The following WBP2 variants were observed in gnomAD, a reference collection of about 807,000 sequenced individuals.
The protein encoded by WBP2 is WW domain binding protein 2, also known as WW domain-binding protein 2.
A neutral mutation model predicts 33.0 loss-of-function variants in WBP2; 23 were observed. That is an observed-to-expected ratio of 0.70 (90% CI 0.50 to 0.99). WBP2 has a LOEUF of 0.99. WBP2 is among the 50% of genes least tolerant of loss of function. WBP2 has a pLI of 0.00. For missense variants in WBP2, 353 were observed against 358.0 expected (o/e 0.99, Z 0.11); for synonymous variants, 153 against 133.5 (o/e 1.15, Z -1.01).
chr17:75,846,951 G>A lies in WBP2; in HGVS notation c.689C>T (p.Ala230Val). The A allele has an allele frequency of 6.2e-7, 1 of 1,614,116 alleles. No individual in the cohort carries two copies. Among genetic ancestry groups the A allele is most frequent in the South Asian group, 1.1e-5 (1 of 91,076 alleles). ...EAKAAEAAASAYYNPGNPHNV... is the reference protein window; with the variant it reads ...EAKAAEAAASVYYNPGNPHNV... ...GTGAGGATTGCCTGGGTTGTAATAG[G>A]CGCTGGCGGCTGCTTCTGCGGCCTT... Residue 230 changes from alanine (A) to valine (V), a missense_variant, in exon 7 of 8, where the codon GCC becomes GTC. Ala to Val is a moderately conservative substitution (Grantham distance 64). Transcript: ENST00000254806. The surrounding 1 kb of genome is among the most constrained non-coding windows in gnomAD (Gnocchi z 4.8).
rs770863272 is a variant in WBP2, at chr17:75,847,803, G to A, written c.525C>T (p.Pro175=). The change falls in exon 5 of 8, where the codon CCC becomes CCT. Residue 175 remains proline (P), a synonymous_variant. Coordinates refer to ENST00000254806, the MANE Select transcript of WBP2 (RefSeq NM_012478.4). ...AGCAAAGGACACACTCACCAGGTGG[G>A]GGCGGTGGATAGGGGTAGCCAGGAG... ...PCPPGYPYPP[P]PPEFYPGPPM... 5.3e-5 allele frequency: 83 copies of A among 1,557,162 alleles called. No individual in the cohort carries two copies. The highest frequency in any genetic ancestry group is 6.8e-5 in the Non-Finnish European group (78 of 1,149,848).
At chr17:75,849,503 G>T in intron 3 of WBP2, 101 bp downstream of exon 3, 1 of 1,468,986 alleles carries the variant, frequency 6.8e-7, no homozygotes, top group Non-Finnish European at 9.3e-7. Context: ...CATGGCTAGG[G>T]CGATAAGGGT....
chr17:75,851,488 G>A, intron 2 of WBP2, 80 bp downstream of exon 2: 1 of 1,106,506 alleles, frequency 9.0e-7, no homozygotes, highest in Non-Finnish European at 1.4e-6. Context: ...TCATGAGGCT[G>A]AGGCAGACCT....
intron 3 of WBP2, chr17:75,849,333 C>T (rs779349337): frequency 2.7e-6 from 1 of 376,870 alleles, no homozygotes; most frequent in South Asian, 5.1e-5. Context: ...AATTTGTATG[C>T]GCTCGCCAAG....
rs1184355755 is a variant in WBP2 at position 75,846,780 on chromosome 17, G to A, written c.740C>T (p.Pro247Leu). 21 of 1,555,344 alleles carry A rather than the reference G, an allele frequency of 1.4e-5. No individual in the cohort carries two copies. The highest frequency in any genetic ancestry group is 4.1e-5 in the African/African-American group (3 of 73,384). ...CGGTGGGTAGTAGGGAGGTGGCGGC[G>A]GCTGGCTCTAAAGAAGGGAGAAAGG... The part of the protein sequence containing the change: ...PHNVYMPTSQ[P>L]PPPPYYPPED... Residue 247 changes from proline (P) to leucine (L), a missense_variant, in exon 8 of 8, where the codon CCG becomes CTG. Pro to Leu is a moderately conservative substitution (Grantham distance 98). Coordinates refer to ENST00000254806, the MANE Select transcript of WBP2 (RefSeq NM_012478.4). This position sits in a 1 kb window ranked among gnomAD's most constrained non-coding sequence, Gnocchi z 4.8.
upstream of WBP2, chr17:75,855,412 G>C (rs558882993): frequency 8.0e-7 from 1 of 1,243,108 alleles, no homozygotes; most frequent in African/African-American, 1.5e-5. Context: ...CGAGTGCGGA[G>C]GCTGGCCCAA....
chr17:75,855,310 A>T lies in WBP2; in HGVS notation c.-13T>A. 1.2e-6 allele frequency: 2 copies of T among 1,611,658 alleles called. No homozygotes were observed. Among genetic ancestry groups the T allele is most frequent in the Non-Finnish European group, 1.7e-6 (2 of 1,179,916 alleles). On this transcript the variant is annotated 5_prime_UTR_variant, in exon 1 of 8. Coordinates refer to ENST00000254806, the MANE Select transcript of WBP2 (RefSeq NM_012478.4). ...TGTTGAGCGCCATAGTCTCTCCAAC[A>T]GGGGTCCCGAGACTCAAAACGCAAT... is the stretch of plus-strand genomic sequence containing the variant.
chr17:75,853,128 C>T (rs1348820638), intron 1 of WBP2, among the ~76,000 whole-genome samples: 1 of 152,152 alleles, frequency 6.6e-6, no homozygotes, highest in African/African-American at 2.4e-5. Flanking sequence ...CTCACTGCAA[C>T]CTCCACCTCC....
rs114410055 is a variant in WBP2, at chr17:75,854,629, C to A, written c.59+610G>T. ...ATCTGTTTAATTTCACCTCTGGGACCTCAGTTTTTTACCGGGAACCTGAAC... is the reference window on the plus strand; with the variant it reads ...ATCTGTTTAATTTCACCTCTGGGACATCAGTTTTTTACCGGGAACCTGAAC... On this transcript the variant is annotated intron_variant, in intron 1 of 7. Coordinates refer to ENST00000254806, the MANE Select transcript of WBP2 (RefSeq NM_012478.4). Among the ~76,000 whole-genome samples the A allele has an allele frequency of 9.3e-3, 1,421 of 152,260 alleles. 18 individuals carry two copies. Among genetic ancestry groups the A allele is most frequent in the African/African-American group, 0.028 (1,165 of 41,550 alleles).
intron 3 of WBP2, chr17:75,848,882 C>T (rs979027471): frequency 1.4e-5 from 8 of 582,462 alleles, no homozygotes; most frequent in Non-Finnish European, 2.1e-5. Context: ...CTCGCTTCCC[C>T]CTTTGGAACA....
At chr17:75,855,513 C>A (rs2065053481), upstream of WBP2, 1 of 586,542 alleles carries the variant, frequency 1.7e-6, no homozygotes, top group East Asian at 2.8e-5. Context: ...CAATTCCCAG[C>A]AGGCAACGCC....
upstream of WBP2, chr17:75,856,184 T>A (rs1198615938): frequency 6.6e-6 from 1 of 152,230 alleles, no homozygotes; most frequent in Non-Finnish European, 1.5e-5. Flanking sequence ...CTGACTCCTG[T>A]CAGCTCGTGA....
In WBP2 at chr17:75,846,383, C is replaced by T; in HGVS notation, c.*351G>A. On this transcript the variant is annotated 3_prime_UTR_variant, in exon 8 of 8. Coordinates refer to ENST00000254806, the MANE Select transcript of WBP2 (RefSeq NM_012478.4). This position sits in a 1 kb window ranked among gnomAD's most constrained non-coding sequence, Gnocchi z 4.8. The stretch of plus-strand genomic sequence containing the variant: ...TGAGGCTGAGTGTAGCAGTGGGTGC[C>T]AGACTGAGGGAGCTGGACTGCGGTG... 1 of 370,542 alleles carries T rather than the reference C, an allele frequency of 2.7e-6. No individual in the cohort carries two copies. The highest frequency in any genetic ancestry group is 5.1e-6 in the Non-Finnish European group (1 of 196,634). 23.0% of individuals were successfully genotyped at this position (370,542 alleles called of 1,614,324 possible). A position where few individuals can be genotyped will look rare whatever the true frequency, so the allele number is the denominator to read the frequency against.
chr17:75,847,666 G>C lies in WBP2; in HGVS notation c.533-57C>G, dbSNP rs568827090. On this transcript the variant is annotated intron_variant, in intron 5 of 7. Coordinates refer to ENST00000254806, the MANE Select transcript of WBP2 (RefSeq NM_012478.4). ...GAGCACCCGGCTGCGGCCCCCTCCC[G>C]GGTGAGGGGGGCCTCTCCAGCTCCT... The C allele has an allele frequency of 4.5e-5, 73 of 1,606,790 alleles. No individual in the cohort carries two copies. In the East Asian group the frequency reaches 1.6e-3, roughly 34 times the overall value.
In WBP2 at chr17:75,847,557, G is replaced by T; in HGVS notation, c.585C>A (p.Pro195=). Residue 195 remains proline, a synonymous_variant, in exon 6 of 8, where the codon CCC becomes CCA. Coordinates refer to ENST00000254806, the MANE Select transcript of WBP2 (RefSeq NM_012478.4). ...MMDGAMGYVQ[P]PPPPYPGPME... The stretch of plus-strand genomic sequence containing the variant: ...TGGGCCCAGGGTAGGGCGGTGGTGG[G>T]GGCTGCACGTATCCCATGGCCCCGT... The T allele has an allele frequency of 6.2e-7, 1 of 1,605,946 alleles. No homozygotes were observed. Among genetic ancestry groups the T allele is most frequent in the Non-Finnish European group, 8.5e-7 (1 of 1,175,674 alleles).
rs535566573 is a variant in WBP2 at position 75,846,433 on chromosome 17, C to T, written c.*301G>A. ...GGAGGAGGTGGCCAGAGAGTCCCTT[C>T]GAGGGGAGAAGCTGAGAGTGAAACA... is the stretch of plus-strand genomic sequence containing the variant. On this transcript the variant is annotated 3_prime_UTR_variant, in exon 8 of 8. Transcript: ENST00000254806. This position sits in a 1 kb window ranked among gnomAD's most constrained non-coding sequence, Gnocchi z 4.8. The T allele has an allele frequency of 2.4e-5, 11 of 458,998 alleles. 1 individual carries two copies. The highest frequency in any genetic ancestry group is 6.6e-5 in the South Asian group (3 of 45,216). The allele number at this position is 458,998 out of a possible 1,614,324, so 28.4% of individuals were successfully genotyped here. A position where few individuals can be genotyped will look rare whatever the true frequency, so the allele number is the denominator to read the frequency against.
chr17:75,851,683 T>A lies in WBP2; in HGVS notation c.60-7A>T. 6.2e-7 allele frequency: 1 copy of A among 1,609,034 alleles called. No homozygotes were observed. Among genetic ancestry groups the A allele is most frequent in the Non-Finnish European group, 8.5e-7 (1 of 1,175,760 alleles). On this transcript the variant is annotated splice_polypyrimidine_tract_variant and splice_region_variant and intron_variant, in intron 1 of 7. Transcript: ENST00000254806. ...ATCATAGGACATTAGGATGCTGTGA[T>A]GAGAAAAGAGGAAAAGCCTCAATGA...
chr17:75,849,661 T>A lies in WBP2; in HGVS notation c.247A>T (p.Lys83Ter). The A allele has an allele frequency of 6.2e-7, 1 of 1,614,204 alleles. No individual in the cohort carries two copies. Among genetic ancestry groups the A allele is most frequent in the Non-Finnish European group, 8.5e-7 (1 of 1,180,016 alleles). Residue 83 changes from lysine (K) to a stop codon, truncating the protein, a stop_gained, in exon 3 of 8, where the codon AAG becomes TAG. Coordinates refer to ENST00000254806, the MANE Select transcript of WBP2 (RefSeq NM_012478.4). LOFTEE classifies it high-confidence loss of function. ...PFYLMKDCEI[K>*]QPVFGANYIK... ...TAGTTTGCACCAAATACGGGCTGCT[T>A]GATCTCACAGTCTTTCATGAGATAA...
Position 75,846,647 on chromosome 17 carries a change from C to CCCCCT in WBP2, c.*82_*86dup, listed in dbSNP as rs1385436458. On this transcript the variant is annotated 3_prime_UTR_variant, in exon 8 of 8. Transcript: ENST00000254806. This position sits in a 1 kb window ranked among gnomAD's most constrained non-coding sequence, Gnocchi z 4.8. ...TCAGACCTGGAGGGAGAACAAGGCGCCCCCTCCCCTCCCCAAGCCCCAGCA... is the reference window on the plus strand; with the variant it reads ...TCAGACCTGGAGGGAGAACAAGGCGCCCCCTCCCCTCCCCTCCCCAAGCCCCAGCA... 3.5e-6 allele frequency: 5 copies of CCCCCT among 1,429,740 alleles called. No individual in the cohort carries two copies. The highest frequency in any genetic ancestry group is 2.1e-5 in the Admixed American group (1 of 47,216). 88.6% of individuals were successfully genotyped at this position (1,429,740 alleles called of 1,614,324 possible).
Sources: allele counts gnomAD v4.1 joint callset (sites outside exome capture counted in the v4.1 genomes callset), GRCh38; gene constraint gnomAD v4.1.1; non-coding constraint Gnocchi (gnomAD v3.1); transcripts MANE v1.5; gene names NCBI Gene and HGNC (gene_info 2026-07-23, HGNC 2026-07-21).